Variants in ASIC2 observed in about 807,000 individuals in gnomAD.
The protein encoded by ASIC2 is acid-sensing ion channel 2.
A neutral mutation model predicts 57.3 loss-of-function variants in ASIC2; 25 were observed. That is an observed-to-expected ratio of 0.44 (90% CI 0.32 to 0.61). The LOEUF is 0.61. Among genes scored for constraint, ASIC2 ranks in the 20% least tolerant of loss-of-function variants. The pLI is 0.06. For synonymous variants in ASIC2, 319 were observed against 307.5 expected, an observed-to-expected ratio of 1.04 and a Z score of -0.39; for missense variants, 641 against 738.1, an observed-to-expected ratio of 0.87 and a Z score of 1.52.
chr17:34,090,060 G>T (rs1431549694), intron 1 of ASIC2, among the ~76,000 whole-genome samples: 1 of 152,168 alleles, frequency 6.6e-6, no homozygotes, highest in Non-Finnish European at 1.5e-5. Context: ...AAGCTTCACA[G>T]CACTAGGCCT....
At chr17:34,077,892 C>T (rs1013698022) in intron 1 of ASIC2, among the ~76,000 whole-genome samples, 1 of 152,180 alleles carries the variant, frequency 6.6e-6, no homozygotes, top group East Asian at 1.9e-4. Context: ...GAACATGGCA[C>T]TCAAAGACTC....
intron 1 of ASIC2, among the ~76,000 whole-genome samples, chr17:34,018,200 T>C (rs1255893682): frequency 6.6e-6 from 1 of 151,824 alleles, no homozygotes; most frequent in African/African-American, 2.4e-5. Context: ...TTAATAATTA[T>C]ACTAAATCTA....
At chr17:33,594,912 A>AT (rs1253653872) in intron 1 of ASIC2, among the ~76,000 whole-genome samples, 2 of 151,298 alleles carry the variant, frequency 1.3e-5, no homozygotes, top group Admixed American at 6.6e-5. Flanking sequence ...AGGTCACACA[A>AT]TTTTTTTTTG....
At chr17:33,058,955 A>T (rs921275139) in intron 3 of ASIC2, among the ~76,000 whole-genome samples, 1 of 152,176 alleles carries the variant, frequency 6.6e-6, no homozygotes, top group African/African-American at 2.4e-5. Context: ...TGCAATCGTT[A>T]AAATGATGGA....
At chr17:33,329,135 G>C (rs1907201455) in intron 1 of ASIC2, among the ~76,000 whole-genome samples, 1 of 152,186 alleles carries the variant, frequency 6.6e-6, no homozygotes, top group Admixed American at 6.5e-5. Context: ...TGGAGTAGTT[G>C]ATAGAGTAGC....
At chr17:33,668,104 G>A (rs753801788) in intron 1 of ASIC2, among the ~76,000 whole-genome samples, 21 of 152,014 alleles carry the variant, frequency 1.4e-4, no homozygotes, top group Non-Finnish European at 2.2e-4. Flanking sequence ...TGTGAACCGC[G>A]CTGGCGTGTC....
At chr17:34,046,436 A>G (rs1448222014) in intron 1 of ASIC2, among the ~76,000 whole-genome samples, 1 of 152,196 alleles carries the variant, frequency 6.6e-6, no homozygotes, top group African/African-American at 2.4e-5. Context: ...TTGAAAATTT[A>G]TTTGTTAAAA....
At chr17:33,649,003 A>G (rs571693290) in intron 1 of ASIC2, among the ~76,000 whole-genome samples, 1 of 152,326 alleles carries the variant, frequency 6.6e-6, no homozygotes, top group East Asian at 1.9e-4. Context: ...TAAGATGTGG[A>G]AGTAAAGATA....
At chr17:34,121,631 G>GAAATGTC (rs1342115839) in intron 1 of ASIC2, among the ~76,000 whole-genome samples, 2 of 151,868 alleles carry the variant, frequency 1.3e-5, no homozygotes, top group Admixed American at 6.5e-5. Flanking sequence ...TTAAGACCTT[G>GAAATGTC]AAATGTCACA....
At chr17:33,595,225 C>G (rs572271066) in intron 1 of ASIC2, among the ~76,000 whole-genome samples, 1 of 151,952 alleles carries the variant, frequency 6.6e-6, no homozygotes, top group South Asian at 2.1e-4. Flanking sequence ...GACTTTGTCT[C>G]AAAAAAATGA....
At chr17:33,617,810 T>A (rs1013231755) in intron 1 of ASIC2, among the ~76,000 whole-genome samples, 19 of 152,348 alleles carry the variant, frequency 1.2e-4, no homozygotes, top group African/African-American at 4.6e-4. Context: ...GCCATTTAGT[T>A]TTTTCATCTT....
At chr17:33,506,138 T>A (rs879790569) in intron 1 of ASIC2, among the ~76,000 whole-genome samples, 1 of 149,760 alleles carries the variant, frequency 6.7e-6, no homozygotes, top group Non-Finnish European at 1.5e-5. Flanking sequence ...CTCACGCCTG[T>A]AATCCCAGCA....
intron 1 of ASIC2, among the ~76,000 whole-genome samples, chr17:33,780,228 C>G (rs968829180): frequency 6.6e-6 from 1 of 152,080 alleles, no homozygotes; most frequent in Non-Finnish European, 1.5e-5. Context: ...GCCTTGGCTT[C>G]CCAAAGTGCT....
At chr17:33,236,753 G>A (rs1019191637) in intron 1 of ASIC2, among the ~76,000 whole-genome samples, 1 of 152,128 alleles carries the variant, frequency 6.6e-6, no homozygotes, top group African/African-American at 2.4e-5. Flanking sequence ...AGAAAACAGA[G>A]GGATATTTGG....
At chr17:33,752,302 C>A (rs1910459362) in intron 1 of ASIC2, among the ~76,000 whole-genome samples, 1 of 152,146 alleles carries the variant, frequency 6.6e-6, no homozygotes, top group African/African-American at 2.4e-5. Flanking sequence ...TAATTTATAA[C>A]CTTAGCACCA....
chr17:33,367,329 T>C (rs1394131277), intron 1 of ASIC2, among the ~76,000 whole-genome samples: 1 of 152,226 alleles, frequency 6.6e-6, no homozygotes, highest in Admixed American at 6.5e-5. Flanking sequence ...CTTAAGGAAC[T>C]CTGGTGTAGG....
At chr17:33,214,397 A>G (rs1242369181) in intron 1 of ASIC2, among the ~76,000 whole-genome samples, 1 of 152,192 alleles carries the variant, frequency 6.6e-6, no homozygotes, top group Non-Finnish European at 1.5e-5. Context: ...TTCTAAGGGA[A>G]TAGGTGAATC....
At chr17:33,812,420 G>A (rs1912449337) in intron 1 of ASIC2, among the ~76,000 whole-genome samples, 1 of 152,190 alleles carries the variant, frequency 6.6e-6, no homozygotes, top group Non-Finnish European at 1.5e-5. Flanking sequence ...TGAGTTGGGG[G>A]AGGAGAGATT....
chr17:33,208,953 C>G (rs1375214494), intron 1 of ASIC2, among the ~76,000 whole-genome samples: 2 of 152,120 alleles, frequency 1.3e-5, no homozygotes, highest in Non-Finnish European at 2.9e-5. Flanking sequence ...GTCTCATTTC[C>G]CGGCCTTCTC....
Sources: allele counts gnomAD v4.1 joint callset (sites outside exome capture counted in the v4.1 genomes callset), GRCh38; gene constraint gnomAD v4.1.1; transcripts MANE v1.5; gene names NCBI Gene and HGNC (gene_info 2026-07-23, HGNC 2026-07-21).